RABGAP1L: variants seen among roughly 807,000 people sequenced by gnomAD.
RABGAP1L encodes rab GTPase-activating protein 1-like.
A neutral mutation model predicts 137.7 loss-of-function variants in RABGAP1L; 63 were observed. The observed-to-expected ratio is 0.46, with a 90% CI of 0.37 to 0.56. RABGAP1L has a LOEUF of 0.56. RABGAP1L is among the 20% of genes least tolerant of loss of function. The pLI is 0.00. For synonymous variants in RABGAP1L, 431 were observed against 433.7 expected, an observed-to-expected ratio of 0.99 and a Z score of 0.08; for missense variants, 1,095 against 1,244.0, an observed-to-expected ratio of 0.88 and a Z score of 1.80.
chr1:174,606,423 A>G (rs1670799676), intron 13 of RABGAP1L, among the ~76,000 whole-genome samples: 1 of 152,222 alleles, frequency 6.6e-6, no homozygotes. Flanking sequence ...TAAATTGTCC[A>G]TTGATAAGGC....
intron 13 of RABGAP1L, among the ~76,000 whole-genome samples, chr1:174,561,067 A>G (rs919779107): frequency 2.6e-5 from 4 of 152,198 alleles, no homozygotes; most frequent in Non-Finnish European, 5.9e-5. Flanking sequence ...TGTGTTTTGT[A>G]ATAAAGTTTG....
intron 13 of RABGAP1L, among the ~76,000 whole-genome samples, chr1:174,434,158 C>T (rs1319586795): frequency 1.3e-5 from 2 of 151,594 alleles, no homozygotes; most frequent in African/African-American, 4.8e-5. Flanking sequence ...CACACCCTGC[C>T]TGGGGCAACT....
At chr1:174,415,339 C>T (rs1260072450) in intron 13 of RABGAP1L, among the ~76,000 whole-genome samples, 1 of 152,018 alleles carries the variant, frequency 6.6e-6, no homozygotes, top group Admixed American at 6.6e-5. Context: ...TACATACAAA[C>T]ATTTTTATTC....
At chr1:174,502,505 A>G (rs1661374348) in intron 13 of RABGAP1L, among the ~76,000 whole-genome samples, 1 of 150,552 alleles carries the variant, frequency 6.6e-6, no homozygotes, top group Non-Finnish European at 1.5e-5. Context: ...ACCAAATAAC[A>G]CAAAACAGAA....
chr1:174,393,895 C>T, intron 12 of RABGAP1L, 100 bp from the exon 13 acceptor site: 2 of 1,356,582 alleles, frequency 1.5e-6, no homozygotes, highest in Non-Finnish European at 2.0e-6. Flanking sequence ...TTCTCTTGAC[C>T]CAAGCTTACA....
chr1:174,231,440 C>T, intron 4 of RABGAP1L, 85 bp downstream of exon 4: 9 of 1,262,572 alleles, frequency 7.1e-6, no homozygotes, highest in Non-Finnish European at 1.0e-5. Context: ...AGGTGTAGAA[C>T]TTACTGTGAA....
chr1:174,740,710 G>T (rs552726741), intron 17 of RABGAP1L, among the ~76,000 whole-genome samples: 21 of 152,192 alleles, frequency 1.4e-4, no homozygotes, highest in African/African-American at 5.1e-4. Context: ...GTGTATATGA[G>T]TTCCCTTTTC....
At chr1:174,163,626 C>T (rs914990153) in intron 1 of RABGAP1L, among the ~76,000 whole-genome samples, 1 of 146,888 alleles carries the variant, frequency 6.8e-6, no homozygotes, top group South Asian at 2.1e-4. Flanking sequence ...AAAAAAAAAA[C>T]CCAACAACAA....
intron 14 of RABGAP1L, among the ~76,000 whole-genome samples, chr1:174,648,784 G>A (rs888946454): frequency 2.4e-4 from 36 of 151,996 alleles, no homozygotes; most frequent in Admixed American, 2.4e-3. Flanking sequence ...TGATCTGTCT[G>A]ATATTGACAG....
At chr1:174,439,290 G>C (rs1226794317) in intron 13 of RABGAP1L, among the ~76,000 whole-genome samples, 1 of 151,960 alleles carries the variant, frequency 6.6e-6, no homozygotes, top group Non-Finnish European at 1.5e-5. Flanking sequence ...AATATTCTTA[G>C]TTGCTAATAA....
intron 13 of RABGAP1L, among the ~76,000 whole-genome samples, chr1:174,431,464 A>G (rs557778089): frequency 4.3e-4 from 65 of 152,268 alleles, no homozygotes; most frequent in Middle Eastern, 3.4e-3. Flanking sequence ...ACCTGTTGCC[A>G]TACTAAAACA....
chr1:174,693,875 GATATA>G (rs1347510768), intron 15 of RABGAP1L, among the ~76,000 whole-genome samples: 1 of 152,150 alleles, frequency 6.6e-6, no homozygotes, highest in African/African-American at 2.4e-5. Flanking sequence ...TTAAGTACAT[GATATA>G]ATATCAGGGT....
intron 13 of RABGAP1L, among the ~76,000 whole-genome samples, chr1:174,585,903 A>T (rs1572406373): frequency 6.6e-6 from 1 of 152,312 alleles, no homozygotes; most frequent in South Asian, 2.1e-4. Flanking sequence ...ATTAAAGAAG[A>T]TTCTGCTTAA....
intron 13 of RABGAP1L, among the ~76,000 whole-genome samples, chr1:174,421,208 A>G (rs1442130720): frequency 6.6e-6 from 1 of 152,142 alleles, no homozygotes; most frequent in African/African-American, 2.4e-5. Context: ...GTAGTCCACT[A>G]TATTTGGAAA....
At chr1:174,388,574 G>C (rs201373077) in intron 12 of RABGAP1L, among the ~76,000 whole-genome samples, 1 of 151,968 alleles carries the variant, frequency 6.6e-6, no homozygotes, top group African/African-American at 2.4e-5. Context: ...TCTTTTATAT[G>C]TTGAATATAT....
chr1:174,616,921 C>T (rs1438183246), intron 13 of RABGAP1L, among the ~76,000 whole-genome samples: 1 of 152,132 alleles, frequency 6.6e-6, no homozygotes, highest in African/African-American at 2.4e-5. Flanking sequence ...TAAGGTATGA[C>T]ACCTACTTTA....
chr1:174,653,520 T>A (rs896854824), intron 14 of RABGAP1L, among the ~76,000 whole-genome samples: 1 of 152,162 alleles, frequency 6.6e-6, no homozygotes, highest in Admixed American at 6.5e-5. Flanking sequence ...TTCCCTTGGC[T>A]AGGGGAGGGA....
rs564832800 is a variant in RABGAP1L, at chr1:174,852,821, A to T, written c.2340+40861A>T. Among the ~76,000 whole-genome samples, 8 of 151,894 alleles carry T rather than the reference A, an allele frequency of 5.3e-5. No individual in the cohort carries two copies. In the South Asian group the frequency reaches 1.0e-3, roughly 20 times the overall value. The stretch of plus-strand genomic sequence containing the variant: ...ACAGAGCAAGATTTGGTCTCAAAAA[A>T]AAAAATAAAAACAAAAAAAAGTAGA... On this transcript the variant is annotated intron_variant, in intron 19 of 25. Coordinates refer to ENST00000681986, the MANE Select transcript of RABGAP1L (RefSeq NM_001366446.1).
chr1:174,837,659 AG>A (rs2148934194), intron 19 of RABGAP1L, among the ~76,000 whole-genome samples: 1 of 152,334 alleles, frequency 6.6e-6, no homozygotes, highest in South Asian at 2.1e-4. Context: ...TTCAGATGCC[AG>A]GCCAGGCTGA....
Sources: gnomAD v4.1 joint callset for allele counts (sites outside exome capture counted in the v4.1 genomes callset) on GRCh38, gnomAD v4.1.1 for gene constraint, MANE v1.5 for transcripts, NCBI Gene and HGNC (gene_info 2026-07-23, HGNC 2026-07-21) for gene names.